Variants in SDK1 observed in about 807,000 individuals in gnomAD.
SDK1 encodes sidekick cell adhesion molecule 1, also known as protein sidekick-1.
In SDK1, 157 loss-of-function variants were observed where a neutral mutation model predicts 245.5. The ratio of observed to expected loss-of-function variants is 0.64; its 90% CI spans 0.56 to 0.73. The LOEUF (loss-of-function observed/expected upper bound fraction) is 0.73, where lower values mean the gene tolerates loss of function less well. SDK1 is among the 30% of genes least tolerant of loss of function. The pLI, the probability that SDK1 is intolerant of heterozygous loss-of-function variation, is 0.00. For missense variants in SDK1, 3,583 were observed against 3,002.3 expected (o/e 1.19, Z -4.52); for synonymous variants, 1,647 against 1,278.5 (o/e 1.29, Z -6.15).
At chr7:3,585,190 C>CT (rs1234914441) in intron 1 of SDK1, among the ~76,000 whole-genome samples, 1 of 152,202 alleles carries the variant, frequency 6.6e-6, no homozygotes, top group Non-Finnish European at 1.5e-5. Flanking sequence ...TAGACTCTGA[C>CT]TGAGTGCTAG....
At chr7:4,222,215 C>G (rs1182589407) in intron 40 of SDK1, among the ~76,000 whole-genome samples, 1 of 152,234 alleles carries the variant, frequency 6.6e-6, no homozygotes, top group African/African-American at 2.4e-5. Context: ...ACATCTGTCA[C>G]TGTGTCAGGA....
At chr7:3,978,789 G>A (rs1783165786) in intron 13 of SDK1, among the ~76,000 whole-genome samples, 1 of 152,142 alleles carries the variant, frequency 6.6e-6, no homozygotes, top group Non-Finnish European at 1.5e-5. Flanking sequence ...AAAGGGAAGG[G>A]ACTGAGAGGT....
intron 1 of SDK1, among the ~76,000 whole-genome samples, chr7:3,601,460 T>A (rs1039297721): frequency 6.6e-6 from 1 of 152,118 alleles, no homozygotes; most frequent in Admixed American, 6.5e-5. Context: ...GTTTGTAGTT[T>A]TCTAGGAATG....
chr7:4,136,704 C>T (rs1473434002), intron 28 of SDK1, among the ~76,000 whole-genome samples: 1 of 152,258 alleles, frequency 6.6e-6, no homozygotes, highest in Non-Finnish European at 1.5e-5. Flanking sequence ...GATGCGTGAG[C>T]TCTTCAGACC....
At chr7:4,230,052 G>GAAGGA (rs1193017120) in intron 40 of SDK1, among the ~76,000 whole-genome samples, 12 of 139,290 alleles carry the variant, frequency 8.6e-5, no homozygotes, top group African/African-American at 3.3e-4. Flanking sequence ...AGGAAGGAAG[G>GAAGGA]AAGGAAGGAA....
chr7:4,265,714 A>C lies in SDK1; in HGVS notation c.*330A>C. 1 of 1,102,746 alleles carries C rather than the reference A, an allele frequency of 9.1e-7. No homozygotes were observed. The allele number at this position is 1,102,746 out of a possible 1,614,324, so 68.3% of individuals were successfully genotyped here. On this transcript the variant is annotated 3_prime_UTR_variant, in exon 45 of 45. Transcript: ENST00000404826. ...AGCCCTGGGTTTCTCCGTCTTCAAG[A>C]CCAACTAGGAAGGGTCAAGCGGGGA... is the stretch of plus-strand genomic sequence containing the variant.
chr7:3,968,277 C>A (rs573428514), intron 10 of SDK1, among the ~76,000 whole-genome samples: 1 of 152,356 alleles, frequency 6.6e-6, no homozygotes, highest in South Asian at 2.1e-4. Flanking sequence ...TTTGCAGTTC[C>A]CATAGCCCGT....
In SDK1 at chr7:3,433,626, G is replaced by A. The variant is rs549740872; in HGVS notation, c.298+131742G>A. ...GCTACATTAAAGACTGGCTGGCCAAGAAATGGTTAATCTTTGTATGGCAGG... is the reference window on the plus strand; with the variant it reads ...GCTACATTAAAGACTGGCTGGCCAAAAAATGGTTAATCTTTGTATGGCAGG... On this transcript the variant is annotated intron_variant, in intron 1 of 44. Coordinates refer to ENST00000404826, the MANE Select transcript of SDK1 (RefSeq NM_152744.4). 2.6e-5 allele frequency among the ~76,000 whole-genome samples: 4 copies of A among 152,308 alleles called. No homozygotes were observed. The South Asian group carries it at 8.3e-4, about 32-fold the overall frequency.
rs987907188 is a variant in SDK1 at position 3,391,284 on chromosome 7, C to T, written c.298+89400C>T. Among the ~76,000 whole-genome samples, 6 of 152,120 alleles carry T rather than the reference C, an allele frequency of 3.9e-5. 1 individual carries two copies. Among genetic ancestry groups the T allele is most frequent in the African/African-American group, 1.4e-4 (6 of 41,418 alleles). Reference sequence around the variant, plus strand: ...CATAGAAGTCAACTCTTAAAAATGACTTTTCTGTCATTCTTTACCTCCATC... The same window carrying T: ...CATAGAAGTCAACTCTTAAAAATGATTTTTCTGTCATTCTTTACCTCCATC... On this transcript the variant is annotated intron_variant, in intron 1 of 44. Coordinates refer to ENST00000404826, the MANE Select transcript of SDK1 (RefSeq NM_152744.4).
intron 2 of SDK1, among the ~76,000 whole-genome samples, chr7:3,633,923 G>A (rs1165867931): frequency 6.6e-6 from 1 of 152,036 alleles, no homozygotes; most frequent in East Asian, 1.9e-4. Context: ...CACTGCTTGA[G>A]CCACTGCCCT....
chr7:3,910,060 A>T (rs904957456), intron 5 of SDK1, among the ~76,000 whole-genome samples: 2 of 152,204 alleles, frequency 1.3e-5, no homozygotes, highest in Non-Finnish European at 2.9e-5. Flanking sequence ...GGAGAGGCTG[A>T]TGTGGAATCA....
Position 3,333,713 on chromosome 7 carries a change from G to A in SDK1, c.298+31829G>A, listed in dbSNP as rs185691223. Among the ~76,000 whole-genome samples, 33 of 152,284 alleles carry A rather than the reference G, an allele frequency of 2.2e-4. No individual in the cohort carries two copies. The East Asian group carries it at 6.0e-3, about 28-fold the overall frequency. ...CTGGATAAATTAGAACAACTTTGAC[G>A]ATGGTATTGGTCAGGGTTCGATTAT... On this transcript the variant is annotated intron_variant, in intron 1 of 44. Coordinates refer to ENST00000404826, the MANE Select transcript of SDK1 (RefSeq NM_152744.4).
chr7:3,878,464 C>T (rs1448966311), intron 5 of SDK1, among the ~76,000 whole-genome samples: 2 of 152,096 alleles, frequency 1.3e-5, no homozygotes, highest in Non-Finnish European at 2.9e-5. Context: ...TTGCAGTGAG[C>T]CAAGATGGCA....
intron 20 of SDK1, among the ~76,000 whole-genome samples, chr7:4,072,398 C>T (rs755180460): frequency 1.3e-5 from 2 of 152,140 alleles, no homozygotes; most frequent in Non-Finnish European, 2.9e-5. Flanking sequence ...CTGCAGTGGA[C>T]GCCTGCAGCT....
At chr7:3,949,414 G>C (rs540737125) in intron 5 of SDK1, among the ~76,000 whole-genome samples, 1 of 152,220 alleles carries the variant, frequency 6.6e-6, no homozygotes, top group African/African-American at 2.4e-5. Context: ...TGAGAAGCCC[G>C]TCGTCTCTTT....
At chr7:3,926,562 G>A (rs372404363) in intron 5 of SDK1, among the ~76,000 whole-genome samples, 1 of 152,134 alleles carries the variant, frequency 6.6e-6, no homozygotes, top group East Asian at 1.9e-4. Flanking sequence ...TTTGGGCGCA[G>A]GTGATCCTTC....
chr7:3,622,639 C>T (rs770359527), intron 2 of SDK1, among the ~76,000 whole-genome samples: 1 of 152,082 alleles, frequency 6.6e-6, no homozygotes, highest in Non-Finnish European at 1.5e-5. Context: ...TCTTAAGAGC[C>T]CTTGCATATG....
At chr7:3,698,788 G>A (rs1784653121) in intron 4 of SDK1, among the ~76,000 whole-genome samples, 1 of 152,138 alleles carries the variant, frequency 6.6e-6, no homozygotes, top group Non-Finnish European at 1.5e-5. Flanking sequence ...CTTCTTATAA[G>A]GGAACCAGTT....
At chr7:4,245,882 G>C (rs1786822103) in intron 44 of SDK1, 77 bp downstream of exon 44, 1 of 1,558,494 alleles carries the variant, frequency 6.4e-7, no homozygotes, top group African/African-American at 1.4e-5. Context: ...CCCTCAGGCT[G>C]TCTTGTCCTA....
Sources: allele counts gnomAD v4.1 joint callset (sites outside exome capture counted in the v4.1 genomes callset), GRCh38; gene constraint gnomAD v4.1.1; transcripts MANE v1.5; gene names NCBI Gene and HGNC (gene_info 2026-07-23, HGNC 2026-07-21).